TOMM20L: variants seen among roughly 807,000 people sequenced by gnomAD.
TOMM20L encodes TOMM20-like protein 1.
TOMM20L carries 19 observed loss-of-function variants against 20.4 expected under a neutral mutation model. The observed-to-expected ratio is 0.93, with a 90% CI of 0.65 to 1.36. The LOEUF (loss-of-function observed/expected upper bound fraction) is 1.36, where lower values mean the gene tolerates loss of function less well. TOMM20L is among the 40% of genes most tolerant of loss of function. TOMM20L has a pLI of 0.00. For synonymous variants in TOMM20L, 75 were observed against 79.6 expected (o/e 0.94, Z 0.30); for missense variants, 218 against 203.7 (o/e 1.07, Z -0.43).
rs779866325 is a variant in TOMM20L, at chr14:58,402,756, C to G, written c.257C>G (p.Ser86Cys). The change falls in exon 3 of 5, where the codon TCT becomes TGT. Residue 86 changes from serine (S) to cysteine (C), a missense_variant. By Grantham distance (112) the Ser-to-Cys change is moderately radical. Coordinates refer to ENST00000360945, the MANE Select transcript of TOMM20L (RefSeq NM_207377.3). ...GTACGGATGGGAGAACTTTGGTTAT[C>G]TAGAGGTAAGAATGTAAATGTTCTT... ...QEVRMGELWL[S>C]RGEHRMGIQH... The G allele has an allele frequency of 6.2e-7, 1 of 1,609,824 alleles. No homozygotes were observed. Among genetic ancestry groups the G allele is most frequent in the Non-Finnish European group, 8.5e-7 (1 of 1,176,456 alleles).
chr14:58,403,026 T>A (rs1477341765), intron 3 of TOMM20L, among the ~76,000 whole-genome samples: 1 of 152,224 alleles, frequency 6.6e-6, no homozygotes, highest in African/African-American at 2.4e-5. Context: ...TATAAAATTC[T>A]AAGTCAGTGA....
At chr14:58,401,780 C>T (rs1253788454) in intron 2 of TOMM20L, among the ~76,000 whole-genome samples, 7 of 152,140 alleles carry the variant, frequency 4.6e-5, no homozygotes, top group Non-Finnish European at 7.4e-5. Context: ...ATCTTGTGGC[C>T]ATGGTCGCCT....
intron 3 of TOMM20L, 41 bp downstream of exon 3, chr14:58,402,802 T>C (rs762638358): frequency 1.4e-6 from 2 of 1,383,150 alleles, no homozygotes; most frequent in African/African-American, 2.9e-5. Context: ...TGACAGCTTA[T>C]ACTTGAGAAA....
the TOMM20L span, among the ~76,000 whole-genome samples, chr14:58,416,300 A>G: frequency 2.5e-4 from 38 of 152,280 alleles, no homozygotes; most frequent in Non-Finnish European, 5.3e-4. Flanking sequence ...GCAAGTGAAA[A>G]ACTATATCTT....
chr14:58,411,302 G>T (rs2036206806), downstream of TOMM20L, among the ~76,000 whole-genome samples: 2 of 151,836 alleles, frequency 1.3e-5, no homozygotes, highest in African/African-American at 4.8e-5. Context: ...ACAAAAATTA[G>T]CCAGGCGTGG....
At chr14:58,414,460 G>A in the TOMM20L span, among the ~76,000 whole-genome samples, 1 of 151,958 alleles carries the variant, frequency 6.6e-6, no homozygotes, top group African/African-American at 2.4e-5. Flanking sequence ...TAACTAGGCT[G>A]GGCACGGTGG....
At chr14:58,414,085 A>G in the TOMM20L span, among the ~76,000 whole-genome samples, 1 of 150,600 alleles carries the variant, frequency 6.6e-6, no homozygotes, top group Non-Finnish European at 1.5e-5. Flanking sequence ...ACAGCATGTA[A>G]AAGGAAAACA....
Position 58,396,077 on chromosome 14 carries a change from G to A in TOMM20L, c.120G>A (p.Lys40=). 7.2e-7 allele frequency: 1 copy of A among 1,396,670 alleles called. No individual in the cohort carries two copies. The highest frequency in any genetic ancestry group is 2.7e-5 in the Admixed American group (1 of 36,644). The allele number at this position is 1,396,670 out of a possible 1,614,324, so 86.5% of individuals were successfully genotyped here. A position where few individuals can be genotyped will look rare whatever the true frequency, so the allele number is the denominator to read the frequency against. The change falls in exon 1 of 5, where the codon AAG becomes AAA. Residue 40 remains lysine, a synonymous_variant. Coordinates refer to ENST00000360945, the MANE Select transcript of TOMM20L (RefSeq NM_207377.3). ...NRKRRGDPAF[K]RRLRDKRRAE... ...AGCGGCGCGGGGACCCCGCGTTCAA[G>A]CGCCGCCTGCGGGACAGTGAGTGGG...
At chr14:58,412,831 G>A (rs563882576), downstream of TOMM20L, among the ~76,000 whole-genome samples, 2 of 152,192 alleles carry the variant, frequency 1.3e-5, no homozygotes, top group African/African-American at 2.4e-5. Context: ...AACTCAGGAC[G>A]TTGAGGTTAC....
At chr14:58,399,591 A>G (rs2035965563) in intron 2 of TOMM20L, among the ~76,000 whole-genome samples, 3 of 151,836 alleles carry the variant, frequency 2.0e-5, no homozygotes, top group African/African-American at 4.8e-5. Context: ...CCCTCTCCCT[A>G]GAAGATCTTT....
In TOMM20L at chr14:58,404,952, C is replaced by G. The variant is rs892699496; in HGVS notation, c.262+2191C>G. On this transcript the variant is annotated intron_variant, in intron 3 of 4. Transcript: ENST00000360945. ...TAAAGACTTTTATTTGCATAGGCCTCTAAGGCCCCCTAGCAATTTTTTTTT... is the reference window on the plus strand; with the variant it reads ...TAAAGACTTTTATTTGCATAGGCCTGTAAGGCCCCCTAGCAATTTTTTTTT... 4.0e-5 allele frequency among the ~76,000 whole-genome samples: 6 copies of G among 151,798 alleles called. 1 individual carries two copies. The Middle Eastern group carries it at 0.01, about 262-fold the overall frequency.
At chr14:58,399,928 A>ATT (rs2035972845) in intron 2 of TOMM20L, among the ~76,000 whole-genome samples, 2 of 127,428 alleles carry the variant, frequency 1.6e-5, no homozygotes, top group African/African-American at 5.9e-5. Context: ...ATATATATAT[A>ATT]TTCCACTTGT....
intron 2 of TOMM20L, among the ~76,000 whole-genome samples, chr14:58,397,546 G>C (rs2035943815): frequency 6.6e-6 from 1 of 152,206 alleles, no homozygotes. Context: ...ACTGAGCCTG[G>C]AAGGATGATG....
intron 3 of TOMM20L, among the ~76,000 whole-genome samples, chr14:58,403,953 A>G (rs1052233426): frequency 1.3e-5 from 2 of 148,658 alleles, no homozygotes; most frequent in Non-Finnish European, 1.5e-5. Flanking sequence ...ATTATTGTAT[A>G]AATATTATAA....
chr14:58,412,098 A>G (rs559753406), downstream of TOMM20L: 77 of 651,996 alleles, frequency 1.2e-4, no homozygotes, highest in Non-Finnish European at 1.8e-4. Context: ...ACCACCCCCA[A>G]TTTCTCAGAT....
chr14:58,414,008 G>GAAAAAAA, the TOMM20L span, among the ~76,000 whole-genome samples: 554 of 24,178 alleles, frequency 0.023, 183 homozygotes, highest in Admixed American at 0.037. Context: ...TTCCGTCTCA[G>GAAAAAAA]AAAAAAAAAA....
chr14:58,402,112 G>T (rs745665483), intron 2 of TOMM20L, among the ~76,000 whole-genome samples: 2 of 152,078 alleles, frequency 1.3e-5, no homozygotes, highest in African/African-American at 4.8e-5. Flanking sequence ...ATGTGGCTGG[G>T]TAAAATTTGG....
In TOMM20L at chr14:58,406,151, T is replaced by A. The variant is rs370990144; in HGVS notation, c.263-1175T>A. The stretch of plus-strand genomic sequence containing the variant: ...CATCTCAACGGTGGCTATATCTATA[T>A]GAGACCATAGGGCCAATAATTTTGA... On this transcript the variant is annotated intron_variant, in intron 3 of 4. Transcript: ENST00000360945. 4.7e-4 allele frequency among the ~76,000 whole-genome samples: 71 copies of A among 152,322 alleles called. 1 individual carries two copies. In the South Asian group the frequency reaches 0.015, roughly 32 times the overall value.
intron 2 of TOMM20L, among the ~76,000 whole-genome samples, chr14:58,400,759 TC>T (rs1226675199): frequency 6.6e-6 from 1 of 151,768 alleles, no homozygotes; most frequent in Non-Finnish European, 1.5e-5. Flanking sequence ...GCACCTGTAA[TC>T]CCAGCTACTC....
Sources: gnomAD v4.1 joint callset for allele counts (sites outside exome capture counted in the v4.1 genomes callset) on GRCh38, gnomAD v4.1.1 for gene constraint, MANE v1.5 for transcripts, NCBI Gene and HGNC (gene_info 2026-07-23, HGNC 2026-07-21) for gene names.